Variants in RP1 observed in about 807,000 individuals in gnomAD.
RP1 encodes RP1 axonemal microtubule associated.
RP1 carries 16 observed loss-of-function variants against 14.8 expected under a neutral mutation model. The ratio of observed to expected loss-of-function variants is 1.08; its 90% CI spans 0.73 to 1.65. The LOEUF (loss-of-function observed/expected upper bound fraction) is 1.65, where lower values mean the gene tolerates loss of function less well. RP1 is among the 40% of genes most tolerant of loss of function. The pLI, the probability that RP1 is intolerant of heterozygous loss-of-function variation, is 0.00. For missense variants in RP1, 2,631 were observed against 2,535.0 expected, an observed-to-expected ratio of 1.04 and a Z score of -0.81; for synonymous variants, 876 against 883.6, an observed-to-expected ratio of 0.99 and a Z score of 0.15.
chr8:54,560,125 C>T (rs552615969), intron 1 of RP1, among the ~76,000 whole-genome samples: 58 of 152,192 alleles, frequency 3.8e-4, no homozygotes, highest in Non-Finnish European at 7.2e-4. Context: ...GGTGGGTCTG[C>T]GTTTGAACCC....
At position 54,759,443 on chromosome 8, in the gene RP1, G is replaced by T. The variant is rs574814093; in HGVS notation, c.3248+367G>T. Among the ~76,000 whole-genome samples, 357 of 152,152 alleles carry T rather than the reference G, an allele frequency of 2.3e-3. 3 individuals carry two copies. Among genetic ancestry groups the T allele is most frequent in the Non-Finnish European group, 4.3e-3 (292 of 68,002 alleles). ...CAGTTTCATAAGGAAATTAAGTGTG[G>T]AGAATATTACAGAGAAGAACTTTCA... On this transcript the variant is annotated intron_variant, in intron 22 of 22. Coordinates refer to the RP1 transcript ENST00000636932.
chr8:54,836,824 C>T (rs1324711964), intron 24 of RP1, among the ~76,000 whole-genome samples: 1 of 152,008 alleles, frequency 6.6e-6, no homozygotes, highest in Non-Finnish European at 1.5e-5. Context: ...TTTGTTACAA[C>T]AGAAATAGAA....
chr8:54,720,039 A>T, intron 15 of RP1: 2 of 1,089,442 alleles, frequency 1.8e-6, no homozygotes, highest in Non-Finnish European at 2.5e-6. Flanking sequence ...TCGAAACGAG[A>T]CAAAATTATA....
chr8:54,801,802 A>T (rs1178085153), intron 24 of RP1, among the ~76,000 whole-genome samples: 2 of 152,204 alleles, frequency 1.3e-5, no homozygotes, highest in Non-Finnish European at 2.9e-5. Context: ...AGGTGAGCAC[A>T]TGCTTAGGTC....
At chr8:54,701,695 G>A (rs1808024946) in intron 14 of RP1, 1 of 1,517,606 alleles carries the variant, frequency 6.6e-7, no homozygotes, top group Non-Finnish European at 8.8e-7. Context: ...AGTTTATATT[G>A]CTAAATCCCA....
chr8:54,769,789 T>C (rs1380942602), exon 23 of RP1: 1 of 1,533,996 alleles, frequency 6.5e-7, no homozygotes, highest in Non-Finnish European at 8.7e-7. Context: ...AAATTGAACT[T>C]TATCTTCAAG....
intron 3 of RP1, among the ~76,000 whole-genome samples, chr8:54,637,197 G>C (rs1185191491): frequency 6.6e-6 from 1 of 152,184 alleles, no homozygotes; most frequent in Non-Finnish European, 1.5e-5. Flanking sequence ...TGAAATATCT[G>C]GTTGTCATGA....
chr8:54,833,180 G>C (rs1396108486), intron 24 of RP1, among the ~76,000 whole-genome samples: 1 of 151,916 alleles, frequency 6.6e-6, no homozygotes, highest in Non-Finnish European at 1.5e-5. Flanking sequence ...TTCTCTGGTA[G>C]TTCCAAATTA....
In RP1 at chr8:54,835,197, T is replaced by A. The variant is rs188672274; in HGVS notation, c.3616-2253T>A. On this transcript the variant is annotated intron_variant, in intron 24 of 28. Transcript: ENST00000637698. The stretch of plus-strand genomic sequence containing the variant: ...AAAATTTCTAGGCATATTACATTTT[T>A]ATTTCATTAAAACTGAAGTGACTCA... Among the ~76,000 whole-genome samples the A allele has an allele frequency of 3.6e-3, 542 of 152,292 alleles. 1 individual carries two copies. Among genetic ancestry groups the A allele is most frequent in the Non-Finnish European group, 5.5e-3 (377 of 68,016 alleles).
rs145973314 is a variant in RP1, at chr8:54,690,301, C to T, written c.1718-9166C>T. ...GATTAGCTGCAGTTCTTGTCTCTGT[C>T]TGGTTCTCTGTACTTGGTTCTAATT... On this transcript the variant is annotated intron_variant, in intron 12 of 22. Coordinates refer to the RP1 transcript ENST00000636932. Among the ~76,000 whole-genome samples the T allele has an allele frequency of 6.2e-4, 95 of 152,126 alleles. No homozygotes were observed. In the East Asian group the frequency reaches 0.016, roughly 26 times the overall value.
intron 2 of RP1, among the ~76,000 whole-genome samples, chr8:54,621,850 T>G (rs749733434): frequency 6.6e-6 from 1 of 152,168 alleles, no homozygotes; most frequent in Non-Finnish European, 1.5e-5. Flanking sequence ...CTTGATAATA[T>G]TTTTTGGAAA....
At chr8:54,612,039 G>A (rs573094001), upstream of RP1, among the ~76,000 whole-genome samples, 138 of 152,152 alleles carry the variant, frequency 9.1e-4, no homozygotes, top group African/African-American at 3.2e-3. Context: ...CTGAGCATAT[G>A]AGATGACTTT....
intron 12 of RP1, among the ~76,000 whole-genome samples, chr8:54,695,837 G>A (rs1807846983): frequency 6.6e-6 from 1 of 152,098 alleles, no homozygotes; most frequent in Non-Finnish European, 1.5e-5. Context: ...AGGATCATCT[G>A]TAAGTGCTTG....
chr8:54,850,965 T>A (rs1217910649), intron 25 of RP1, among the ~76,000 whole-genome samples: 1 of 152,204 alleles, frequency 6.6e-6, no homozygotes, highest in Non-Finnish European at 1.5e-5. Flanking sequence ...AGAATAAAAG[T>A]TAGTGCTCAA....
intron 7 of RP1, among the ~76,000 whole-genome samples, chr8:54,664,928 C>A (rs1327557209): frequency 6.6e-6 from 1 of 152,104 alleles, no homozygotes; most frequent in Non-Finnish European, 1.5e-5. Flanking sequence ...ATATCCCAAA[C>A]CTCAGCATCA....
intron 3 of RP1, among the ~76,000 whole-genome samples, chr8:54,638,449 A>C (rs940489838): frequency 1.2e-4 from 19 of 152,114 alleles, no homozygotes; most frequent in Non-Finnish European, 2.4e-4. Flanking sequence ...AAAAAAAAAA[A>C]AAAACATACC....
chr8:54,593,122 G>A (rs535129955), intron 1 of RP1, among the ~76,000 whole-genome samples: 2 of 152,256 alleles, frequency 1.3e-5, no homozygotes, highest in Admixed American at 6.5e-5. Flanking sequence ...TCTTGGGGTC[G>A]GTGGCAGGGG....
At chr8:54,679,668 A>T in intron 11 of RP1, 1 of 1,531,430 alleles carries the variant, frequency 6.5e-7, no homozygotes, top group Non-Finnish European at 8.7e-7. Flanking sequence ...CATATAAACA[A>T]TGTTCAAATG....
chr8:54,602,877 TG>T (rs1805325292), intron 1 of RP1, among the ~76,000 whole-genome samples: 1 of 152,170 alleles, frequency 6.6e-6, no homozygotes, highest in Non-Finnish European at 1.5e-5. Context: ...CACTTGTTGA[TG>T]GGGTTGTTTG....
Sources: allele counts gnomAD v4.1 joint callset (sites outside exome capture counted in the v4.1 genomes callset), GRCh38; gene constraint gnomAD v4.1.1; transcripts MANE v1.5; gene names NCBI Gene and HGNC (gene_info 2026-07-23, HGNC 2026-07-21).